SV2C: variants seen among roughly 807,000 people sequenced by gnomAD.
SV2C encodes solute carrier family 22 member B3.
SV2C carries 49 observed loss-of-function variants against 79.7 expected under a neutral mutation model. The ratio of observed to expected loss-of-function variants is 0.61; its 90% confidence interval spans 0.49 to 0.78. The LOEUF (loss-of-function observed/expected upper bound fraction) is 0.78, where lower values mean the gene tolerates loss of function less well. SV2C is among the 30% of genes least tolerant of loss of function. The pLI, the probability that SV2C is intolerant of heterozygous loss-of-function variation, is 0.00. For missense variants in SV2C, 833 were observed against 912.9 expected (o/e 0.91, Z 1.13); for synonymous variants, 334 against 333.2 (o/e 1.00, Z -0.03).
At chr5:75,941,373 C>CCA in the SV2C span, among the ~76,000 whole-genome samples, 1 of 152,140 alleles carries the variant, frequency 6.6e-6, no homozygotes, top group African/African-American at 2.4e-5. Flanking sequence ...TTACTTTAAA[C>CCA]ATCTTCTATA....
At chr5:76,225,581 T>C (rs541592002) in intron 4 of SV2C, among the ~76,000 whole-genome samples, 1 of 152,024 alleles carries the variant, frequency 6.6e-6, no homozygotes, top group Non-Finnish European at 1.5e-5. Flanking sequence ...TTACTGTAGA[T>C]CTTAATCAAA....
intron 3 of SV2C, among the ~76,000 whole-genome samples, chr5:76,197,599 C>T (rs1199222011): frequency 6.6e-6 from 1 of 151,308 alleles, no homozygotes; most frequent in Non-Finnish European, 1.5e-5. Flanking sequence ...GCTGACAGGA[C>T]CTGAGAAATG....
At chr5:76,035,782 T>A in the SV2C span, among the ~76,000 whole-genome samples, 1 of 152,046 alleles carries the variant, frequency 6.6e-6, no homozygotes, top group East Asian at 1.9e-4. Flanking sequence ...CAGAGCTGAG[T>A]TCAATTCCTG....
the SV2C span, among the ~76,000 whole-genome samples, chr5:75,993,309 T>C: frequency 6.6e-6 from 1 of 152,046 alleles, no homozygotes; most frequent in Non-Finnish European, 1.5e-5. Flanking sequence ...ATTAATAAGA[T>C]CGTCTTGCAT....
At chr5:75,921,070 G>A in the SV2C span, 2 of 757,564 alleles carry the variant, frequency 2.6e-6, no homozygotes, top group Non-Finnish European at 4.6e-6. Context: ...AGCGGGCAGT[G>A]TCAGGGATGG....
At chr5:75,976,347 T>G in the SV2C span, among the ~76,000 whole-genome samples, 1 of 152,166 alleles carries the variant, frequency 6.6e-6, no homozygotes, top group Non-Finnish European at 1.5e-5. Flanking sequence ...TGGAGATCAT[T>G]TATGGAGTAC....
intron 4 of SV2C, among the ~76,000 whole-genome samples, chr5:76,273,134 T>C (rs887282664): frequency 2.1e-5 from 3 of 146,204 alleles, no homozygotes; most frequent in Admixed American, 1.4e-4. Flanking sequence ...CATAAAAATC[T>C]TTTACAAAAA....
intron 3 of SV2C, 91 bp downstream of exon 3, chr5:76,195,190 T>A (rs1744236342): frequency 3.1e-6 from 4 of 1,299,746 alleles, no homozygotes; most frequent in Admixed American, 4.2e-5. Flanking sequence ...AATTATCCCT[T>A]CACACATCTC....
At chr5:76,341,967 T>G (rs978265442) in intron 12 of SV2C, among the ~76,000 whole-genome samples, 14 of 152,190 alleles carry the variant, frequency 9.2e-5, no homozygotes, top group African/African-American at 3.4e-4. Flanking sequence ...AGCAGGTACC[T>G]AGGCCTGTGG....
the SV2C span, among the ~76,000 whole-genome samples, chr5:75,891,507 GA>G: frequency 2.0e-4 from 31 of 152,042 alleles, no homozygotes; most frequent in Non-Finnish European, 4.0e-4. Flanking sequence ...AGTTTTAAGA[GA>G]AAAACTATAT....
intron 1 of SV2C, among the ~76,000 whole-genome samples, chr5:76,117,208 A>G (rs1748295887): frequency 6.6e-6 from 1 of 152,224 alleles, no homozygotes; most frequent in African/African-American, 2.4e-5. Context: ...GTGGCCAATT[A>G]TATATCATGG....
chr5:76,309,948 T>C (rs1484679632), intron 12 of SV2C, among the ~76,000 whole-genome samples: 1 of 152,202 alleles, frequency 6.6e-6, no homozygotes, highest in Non-Finnish European at 1.5e-5. Flanking sequence ...TGTTGAGTTT[T>C]TACATCAACC....
At chr5:76,224,763 T>C (rs1484475228) in intron 4 of SV2C, among the ~76,000 whole-genome samples, 1 of 152,200 alleles carries the variant, frequency 6.6e-6, no homozygotes, top group East Asian at 1.9e-4. Flanking sequence ...TTTGCCCAGG[T>C]TGTTAAGGTA....
At chr5:76,098,916 T>C (rs1001501121) in intron 1 of SV2C, among the ~76,000 whole-genome samples, 2 of 152,212 alleles carry the variant, frequency 1.3e-5, no homozygotes, top group African/African-American at 4.8e-5. Context: ...GTGGAGGCAT[T>C]GGAGCGCTGC....
intron 2 of SV2C, among the ~76,000 whole-genome samples, chr5:76,175,224 A>G (rs1207263018): frequency 6.6e-6 from 1 of 152,172 alleles, no homozygotes; most frequent in Non-Finnish European, 1.5e-5. Context: ...TTTGCTAGAT[A>G]AAGTGTGGGG....
At chr5:76,123,458 C>T (rs1748600542) in intron 1 of SV2C, among the ~76,000 whole-genome samples, 1 of 152,176 alleles carries the variant, frequency 6.6e-6, no homozygotes, top group African/African-American at 2.4e-5. Flanking sequence ...CCTTGATGAA[C>T]ATTGATGCAA....
At chr5:75,929,150 C>T in the SV2C span, among the ~76,000 whole-genome samples, 1 of 152,046 alleles carries the variant, frequency 6.6e-6, no homozygotes, top group African/African-American at 2.4e-5. Flanking sequence ...TCCCACTCAC[C>T]CAACCTACTA....
At chr5:76,148,538 C>T (rs1016015582) in intron 2 of SV2C, among the ~76,000 whole-genome samples, 2 of 152,184 alleles carry the variant, frequency 1.3e-5, no homozygotes, top group Non-Finnish European at 2.9e-5. Flanking sequence ...TAGCCTCAAC[C>T]TCCTGGGCTC....
chr5:76,242,511 C>T, intron 4 of SV2C: 1 of 443,918 alleles, frequency 2.3e-6, no homozygotes, highest in South Asian at 2.0e-5. Context: ...TAATAAGGAA[C>T]CCTGGTGATT....
Sources: gnomAD v4.1 joint callset for allele counts (sites outside exome capture counted in the v4.1 genomes callset) on GRCh38, gnomAD v4.1.1 for gene constraint, MANE v1.5 for transcripts, NCBI Gene and HGNC (gene_info 2026-07-23, HGNC 2026-07-21) for gene names.